The following SPTB variants were observed in gnomAD, a reference collection of about 807,000 sequenced individuals.
SPTB encodes the protein spectrin beta chain, erythrocytic.
A neutral mutation model predicts 256.2 loss-of-function variants in SPTB; 45 were observed. The observed-to-expected ratio is 0.18, with a 90% CI of 0.14 to 0.23. The LOEUF is 0.23. Among genes scored for constraint, SPTB ranks in the 10% least tolerant of loss-of-function variants. The pLI, the probability that SPTB is intolerant of heterozygous loss-of-function variation, is 1.00. For missense variants in SPTB, 2,715 were observed against 3,040.4 expected (o/e 0.89, Z 2.52); for synonymous variants, 1,231 against 1,243.1 (o/e 0.99, Z 0.21).
chr14:64,832,420 G>A (rs1203501182), intron 1 of SPTB, among the ~76,000 whole-genome samples: 1 of 152,058 alleles, frequency 6.6e-6, no homozygotes, highest in Non-Finnish European at 1.5e-5. Flanking sequence ...CTGCTCTGTG[G>A]GCTACTCTTC....
chr14:64,752,285 C>G (rs1361129891), intron 33 of SPTB: 2 of 1,323,236 alleles, frequency 1.5e-6, no homozygotes, highest in Non-Finnish European at 1.0e-6. Flanking sequence ...CCTCTTCTGT[C>G]TCCCTCCTCT....
At chr14:64,753,961 G>C (rs2081987667) in intron 32 of SPTB, 168 bp from the exon 33 acceptor site, 1 of 840,386 alleles carries the variant, frequency 1.2e-6, no homozygotes, top group African/African-American at 1.7e-5. Flanking sequence ...CCTGCTATGG[G>C]TGCCCCCTTG....
chr14:64,773,024 A>C, intron 25 of SPTB, 70 bp from the exon 26 acceptor site: 1 of 1,579,536 alleles, frequency 6.3e-7, no homozygotes, highest in Non-Finnish European at 8.6e-7. Context: ...AGCTTAGCCA[A>C]AGACTTTCCC....
At position 64,799,807 on chromosome 14, in the gene SPTB, G is replaced by A. The variant is rs200381147; in HGVS notation, c.1004C>T (p.Thr335Met). ...GGCCTGCAGCTGCTGCTGGACGCCC[G>A]TCAGCGAGTTGGCAAACTTGCGGCT... The part of the protein sequence containing the change: ...LNSRKFANSL[T>M]GVQQQLQAFS... Residue 335 changes from threonine (T) to methionine (M), a missense_variant, in exon 9 of 36, where the codon ACG becomes ATG. Physicochemically the swap from Thr to Met is moderately conservative, Grantham distance 81. Coordinates refer to ENST00000644917, the MANE Select transcript of SPTB (RefSeq NM_001355436.2). The A allele has an allele frequency of 5.1e-5, 82 of 1,614,258 alleles. No individual in the cohort carries two copies. The highest frequency in any genetic ancestry group is 3.3e-4 in the South Asian group (30 of 91,088).
rs1029538943 is a variant in SPTB at position 64,879,854 on chromosome 14, G to C, written c.-114C>G. 4.4e-4 allele frequency: 68 copies of C among 153,562 alleles called. No homozygotes were observed. The highest frequency in any genetic ancestry group is 1.6e-3 in the African/African-American group (68 of 41,358). The allele number at this position is 153,562 out of a possible 1,614,324, so 9.5% of individuals were successfully genotyped here. A position where few individuals can be genotyped will look rare whatever the true frequency, so the allele number is the denominator to read the frequency against. On this transcript the variant is annotated 5_prime_UTR_variant, in exon 1 of 36. Coordinates refer to ENST00000644917, the MANE Select transcript of SPTB (RefSeq NM_001355436.2). ...GGGGTGGCGGCGGCGGCGGCGCAGG[G>C]GGAGGAGGGCAGCGCGGGGCTCCTG...
In SPTB at chr14:64,758,201, T is replaced by C. The variant is rs950749713; in HGVS notation, c.6346-4408A>G. Among the ~76,000 whole-genome samples the C allele has an allele frequency of 3.3e-5, 5 of 152,254 alleles. No individual in the cohort carries two copies. The highest frequency in any genetic ancestry group is 7.3e-5 in the Non-Finnish European group (5 of 68,044). On this transcript the variant is annotated intron_variant, in intron 32 of 35. Coordinates refer to ENST00000644917, the MANE Select transcript of SPTB (RefSeq NM_001355436.2). This position sits in a 1 kb window ranked among gnomAD's most constrained non-coding sequence, Gnocchi z 4.6. The stretch of plus-strand genomic sequence containing the variant: ...CGAGCAATTATTGTGGCCAGTGTCC[T>C]GTGGGGCTGGTGTAAGGATCTCAAA...
At chr14:64,780,509 G>T (rs229643) in intron 20 of SPTB, among the ~76,000 whole-genome samples, 51,936 of 152,068 alleles carry the variant, frequency 0.34, 11,243 homozygotes, top group African/African-American at 0.61. Context: ...CGCCTGCTGG[G>T]TTCAAGTGAT....
rs59462713 is a variant in SPTB at position 64,783,056 on chromosome 14, T to C, written c.4003-503A>G. ...TACAGTCAGTGCAGAAACTGCCCCG[T>C]GAGTTCCTGAGGTTGTGCACTAACC... On this transcript the variant is annotated intron_variant, in intron 19 of 35. Coordinates refer to ENST00000644917, the MANE Select transcript of SPTB (RefSeq NM_001355436.2). Among the ~76,000 whole-genome samples the C allele has an allele frequency of 2.3e-3, 353 of 152,280 alleles. 2 individuals carry two copies. The highest frequency in any genetic ancestry group is 8.1e-3 in the African/African-American group (335 of 41,550).
At position 64,790,531 on chromosome 14, in the gene SPTB, C is replaced by T. The variant is rs1380427265; in HGVS notation, c.2804+1188G>A. ...TGACAAAGGAATCTCCTAAACCGCA[C>T]TCTGCAGCTTGGGCTGCTAAGACAA... is the stretch of plus-strand genomic sequence containing the variant. On this transcript the variant is annotated intron_variant, in intron 15 of 35. Coordinates refer to ENST00000644917, the MANE Select transcript of SPTB (RefSeq NM_001355436.2). This position sits in a 1 kb window ranked among gnomAD's most constrained non-coding sequence, Gnocchi z 4.8. Among the ~76,000 whole-genome samples, 1 of 152,232 alleles carries T rather than the reference C, an allele frequency of 6.6e-6. No homozygotes were observed. Among genetic ancestry groups the T allele is most frequent in the East Asian group, 1.9e-4 (1 of 5,202 alleles).
Position 64,777,899 on chromosome 14 carries a change from G to A in SPTB, c.4563+1258C>T, listed in dbSNP as rs537193364. Among the ~76,000 whole-genome samples the A allele has an allele frequency of 1.1e-3, 166 of 152,178 alleles. 1 individual carries two copies. The highest frequency in any genetic ancestry group is 1.7e-3 in the Non-Finnish European group (116 of 67,990). On this transcript the variant is annotated intron_variant, in intron 22 of 35. Transcript: ENST00000644917. The surrounding 1 kb of genome is among the most constrained non-coding windows in gnomAD (Gnocchi z 4.5). ...TCCGTATTTGTCTTGCCCTTTTCCC[G>A]AAATAGCAACTGCCAGCCAGGGGAG... is the stretch of plus-strand genomic sequence containing the variant.
At chr14:64,871,262 T>A (rs763737365) in intron 1 of SPTB, among the ~76,000 whole-genome samples, 9 of 152,084 alleles carry the variant, frequency 5.9e-5, no homozygotes, top group Non-Finnish European at 1.2e-4. Context: ...CAAGTTCTGA[T>A]GGAAAACACT....
chr14:64,785,848 T>G lies in SPTB; in HGVS notation c.3665A>C (p.Asp1222Ala). ...DFLGSMENNR[D>A]KVLSPVDSGN... ...AGAGTCCACAGGACTCAAGACCTTA[T>G]CCCGGTTGTTCTCCATAGACCCCAA... Residue 1222 changes from aspartate to alanine, a missense_variant, in exon 17 of 36, where the codon GAT becomes GCT. Coordinates refer to ENST00000644917, the MANE Select transcript of SPTB (RefSeq NM_001355436.2). This position sits in a 1 kb window ranked among gnomAD's most constrained non-coding sequence, Gnocchi z 4.4. 1 of 1,614,064 alleles carries G rather than the reference T, an allele frequency of 6.2e-7. No individual in the cohort carries two copies. Among genetic ancestry groups the G allele is most frequent in the East Asian group, 2.2e-5 (1 of 44,868 alleles).
chr14:64,751,953 G>C (rs2139426453), intron 33 of SPTB, among the ~76,000 whole-genome samples: 1 of 107,536 alleles, frequency 9.3e-6, no homozygotes, highest in South Asian at 2.8e-4. Context: ...AATTAGCCAG[G>C]CGTGGTGGCA....
intron 30 of SPTB, 25 bp downstream of exon 30, chr14:64,767,638 C>T: frequency 6.2e-7 from 1 of 1,613,060 alleles, no homozygotes; most frequent in Non-Finnish European, 8.5e-7. Flanking sequence ...CCCTCCTGAG[C>T]CTCCCAGCAC....
chr14:64,754,241 T>C (rs1024347825), intron 32 of SPTB: 3 of 295,324 alleles, frequency 1.0e-5, no homozygotes, highest in African/African-American at 4.3e-5. Flanking sequence ...CCACTTATAG[T>C]AGAATGTTGA....
Position 64,803,749 on chromosome 14 carries a change from T to A in SPTB, c.332A>T (p.His111Leu). 6.2e-7 allele frequency: 1 copy of A among 1,613,768 alleles called. No homozygotes were observed. Among genetic ancestry groups the A allele is most frequent in the Non-Finnish European group, 8.5e-7 (1 of 1,179,862 alleles). Residue 111 changes from histidine (H) to leucine (L), a missense_variant, in exon 4 of 36, where the codon CAC (histidine) becomes CTC (leucine). Coordinates refer to ENST00000644917, the MANE Select transcript of SPTB (RefSeq NM_001355436.2). ...AGCCTTGTCCACATTCTCCAGGCAG[T>A]GGATGCGCATCTTCCCCTTGGTGGG... ...PKPTKGKMRI[H>L]CLENVDKALQ...
chr14:64,801,884 C>A (rs2082892947), intron 5 of SPTB, 50 bp from the exon 6 acceptor site: 7 of 1,550,640 alleles, frequency 4.5e-6, no homozygotes, highest in Non-Finnish European at 6.2e-6. Context: ...TTTTGTAGTC[C>A]CAAACAAGTG....
rs542626338 is a variant in SPTB at position 64,847,506 on chromosome 14, G to C, written c.-51-24361C>G. 6.6e-6 allele frequency among the ~76,000 whole-genome samples: 1 copy of C among 151,834 alleles called. No homozygotes were observed. The highest frequency in any genetic ancestry group is 2.1e-4 in the South Asian group (1 of 4,798). ...ATCCTTCAGGTACCTTCCCAGGTTG[G>C]TGCTAGCTCCTTTCAAGCTACATTG... On this transcript the variant is annotated intron_variant, in intron 1 of 35. Transcript: ENST00000644917. The surrounding 1 kb of genome is among the most constrained non-coding windows in gnomAD (Gnocchi z 5.9).
In SPTB at chr14:64,747,560, T is replaced by C. The variant is rs2081866453; in HGVS notation, c.*1746A>G. 1 of 152,494 alleles carries C rather than the reference T, an allele frequency of 6.6e-6. No individual in the cohort carries two copies. Among genetic ancestry groups the C allele is most frequent in the Admixed American group, 6.5e-5 (1 of 15,278 alleles). The allele number at this position is 152,494 out of a possible 1,614,324, so 9.4% of individuals were successfully genotyped here. On this transcript the variant is annotated 3_prime_UTR_variant, in exon 36 of 36. Coordinates refer to ENST00000644917, the MANE Select transcript of SPTB (RefSeq NM_001355436.2). ...TGGCTCCTGCCTGCTGCAGTTGGTG[T>C]CACCCTGACATATAGTGTCAGGGCC...
Sources: allele counts gnomAD v4.1 joint callset (sites outside exome capture counted in the v4.1 genomes callset), GRCh38; gene constraint gnomAD v4.1.1; non-coding constraint Gnocchi (gnomAD v3.1); transcripts MANE v1.5; gene names NCBI Gene and HGNC (gene_info 2026-07-23, HGNC 2026-07-21).